The following CDH4 variants were observed in gnomAD, a reference collection of about 807,000 sequenced individuals.
CDH4 encodes cadherin 4, also known as cadherin-4.
CDH4 carries 33 observed loss-of-function variants against 86.0 expected under a neutral mutation model. That is an observed-to-expected ratio of 0.38 (90% CI 0.29 to 0.51). The LOEUF (loss-of-function observed/expected upper bound fraction) is 0.51, where lower values mean the gene tolerates loss of function less well. CDH4 is among the 20% of genes least tolerant of loss of function. The pLI, the probability that CDH4 is intolerant of heterozygous loss-of-function variation, is 0.86. For synonymous variants in CDH4, 555 were observed against 549.4 expected (o/e 1.01, Z -0.14); for missense variants, 1,114 against 1,307.4 (o/e 0.85, Z 2.28).
intron 2 of CDH4, among the ~76,000 whole-genome samples, chr20:61,553,511 C>T (rs1249720248): frequency 6.6e-6 from 1 of 152,278 alleles, no homozygotes; most frequent in Non-Finnish European, 1.5e-5. Flanking sequence ...CAGATAAAGA[C>T]GTGTGAACAT....
At chr20:61,478,116 G>A (rs2085549443) in intron 2 of CDH4, among the ~76,000 whole-genome samples, 1 of 152,096 alleles carries the variant, frequency 6.6e-6, no homozygotes, top group Non-Finnish European at 1.5e-5. Context: ...CTCTAAATTG[G>A]GAACTGTGAA....
rs971113631 is a variant in CDH4 at position 61,932,977 on chromosome 20, C to T, written c.2240-8C>T. On this transcript the variant is annotated splice_region_variant and splice_polypyrimidine_tract_variant and intron_variant, in intron 13 of 15. Transcript: ENST00000614565. Reference sequence around the variant, plus strand: ...CACACCCTGCTCACGGGCAGCCCTCCCCCACAGCCATGGTCCTGCTGTTTG... The same window carrying T: ...CACACCCTGCTCACGGGCAGCCCTCTCCCACAGCCATGGTCCTGCTGTTTG... 6.2e-7 allele frequency: 1 copy of T among 1,610,334 alleles called. No individual in the cohort carries two copies. Among genetic ancestry groups the T allele is most frequent in the East Asian group, 2.2e-5 (1 of 44,782 alleles).
At chr20:61,349,086 G>T (rs768774450) in intron 2 of CDH4, among the ~76,000 whole-genome samples, 2 of 152,206 alleles carry the variant, frequency 1.3e-5, no homozygotes, top group Non-Finnish European at 2.9e-5. Context: ...AGCATCCAGG[G>T]TTTTGTGCTT....
At chr20:61,627,209 G>A (rs188090656) in intron 2 of CDH4, among the ~76,000 whole-genome samples, 1 of 152,300 alleles carries the variant, frequency 6.6e-6, no homozygotes, top group African/African-American at 2.4e-5. Flanking sequence ...TGGGGATCAG[G>A]CCAGTGGTTC....
chr20:61,340,650 T>C (rs1037350038), intron 2 of CDH4, among the ~76,000 whole-genome samples: 2 of 151,714 alleles, frequency 1.3e-5, no homozygotes, highest in African/African-American at 4.8e-5. Flanking sequence ...AGTGGCATGA[T>C]CACGGCTCAC....
intron 8 of CDH4, among the ~76,000 whole-genome samples, chr20:61,907,219 C>T (rs1010077015): frequency 6.6e-5 from 10 of 152,008 alleles, no homozygotes; most frequent in African/African-American, 2.4e-4. Context: ...AGCTCCTAGA[C>T]TCACAGCAAC....
chr20:61,713,548 C>T (rs76870870), intron 2 of CDH4, among the ~76,000 whole-genome samples: 12,362 of 152,340 alleles, frequency 0.081, 685 homozygotes, highest in East Asian at 0.21. Context: ...GAGCCGTCTC[C>T]TCTGCTTATG....
intron 2 of CDH4, among the ~76,000 whole-genome samples, chr20:61,565,062 TTGGTGGTGG>T (rs140113205): frequency 6.9e-5 from 7 of 101,252 alleles, no homozygotes; most frequent in Middle Eastern, 0.011. Context: ...GGTGGTGCTC[TTGGTGGTGG>T]TGGTGGTGGT....
At chr20:61,602,708 A>AAC (rs2086611496) in intron 2 of CDH4, among the ~76,000 whole-genome samples, 1 of 150,656 alleles carries the variant, frequency 6.6e-6, no homozygotes, top group Non-Finnish European at 1.5e-5. Flanking sequence ...AAAAAAAAAA[A>AAC]AAAAAAAAAA....
intron 2 of CDH4, among the ~76,000 whole-genome samples, chr20:61,356,399 C>T (rs2084750715): frequency 6.6e-6 from 1 of 152,190 alleles, no homozygotes; most frequent in Admixed American, 6.5e-5. Flanking sequence ...ATTACCCAGC[C>T]CAGCTCAGCC....
chr20:61,738,882 A>G (rs1212015227), intron 2 of CDH4: 3 of 152,366 alleles, frequency 2.0e-5, no homozygotes, highest in Admixed American at 6.5e-5. Flanking sequence ...TCAGCTTCCT[A>G]TCTGCGAGAT....
At chr20:61,793,095 T>C (rs1294892158) in intron 4 of CDH4, among the ~76,000 whole-genome samples, 1 of 152,276 alleles carries the variant, frequency 6.6e-6, no homozygotes. Context: ...CCAGAGTAAC[T>C]GGGATTACAA....
intron 2 of CDH4, among the ~76,000 whole-genome samples, chr20:61,673,147 G>C (rs1231227234): frequency 6.6e-6 from 1 of 152,188 alleles, no homozygotes; most frequent in Non-Finnish European, 1.5e-5. Flanking sequence ...AGCCCCCAGA[G>C]AGAACGCAGC....
chr20:61,337,282 A>ATG, intron 2 of CDH4, among the ~76,000 whole-genome samples: 1 of 151,056 alleles, frequency 6.6e-6, no homozygotes, highest in Non-Finnish European at 1.5e-5. Context: ...GTGATATGAT[A>ATG]ATAACACTAA....
intron 8 of CDH4, among the ~76,000 whole-genome samples, chr20:61,905,767 G>A (rs931941705): frequency 2.0e-5 from 3 of 152,174 alleles, no homozygotes; most frequent in Non-Finnish European, 4.4e-5. Context: ...TGGCTGTAGA[G>A]GAGGCCAGGA....
chr20:61,398,754 G>A (rs576232630), intron 2 of CDH4, among the ~76,000 whole-genome samples: 3 of 152,340 alleles, frequency 2.0e-5, no homozygotes, highest in African/African-American at 7.2e-5. Context: ...CTGTGGCCTA[G>A]CCAAATTCGT....
intron 2 of CDH4, among the ~76,000 whole-genome samples, chr20:61,733,573 A>G (rs913103645): frequency 4.6e-5 from 7 of 152,052 alleles, no homozygotes; most frequent in Admixed American, 2.0e-4. Context: ...ACCACACTAC[A>G]TGCCATGTGG....
intron 2 of CDH4, among the ~76,000 whole-genome samples, chr20:61,372,015 C>G (rs980013917): frequency 7.2e-5 from 11 of 152,324 alleles, no homozygotes; most frequent in South Asian, 4.1e-4. Context: ...CGTGCACATT[C>G]CAGGCTTACA....
intron 2 of CDH4, among the ~76,000 whole-genome samples, chr20:61,654,504 T>C (rs6061701): frequency 6.6e-6 from 1 of 152,228 alleles, no homozygotes; most frequent in African/African-American, 2.4e-5. Context: ...GTTGTGTATT[T>C]ACATTGTATG....
Sources: gnomAD v4.1 joint callset for allele counts (sites outside exome capture counted in the v4.1 genomes callset) on GRCh38, gnomAD v4.1.1 for gene constraint, MANE v1.5 for transcripts, NCBI Gene and HGNC (gene_info 2026-07-23, HGNC 2026-07-21) for gene names.